ZNF536: variants seen among roughly 807,000 people sequenced by gnomAD.
ZNF536 encodes the protein zinc finger protein 536.
In ZNF536, 13 loss-of-function variants were observed where a neutral mutation model predicts 84.5. The ratio of observed to expected loss-of-function variants is 0.15; its 90% CI spans 0.10 to 0.24. The LOEUF (loss-of-function observed/expected upper bound fraction) is 0.24. ZNF536 is among the 10% of genes least tolerant of loss of function. The probability of loss-of-function intolerance (pLI) is 1.00; values close to 1 mark genes in which losing one functional copy is unlikely to be tolerated. For synonymous variants in ZNF536, 811 were observed against 742.5 expected, an observed-to-expected ratio of 1.09 and a Z score of -1.50; for missense variants, 1,536 against 1,747.5, an observed-to-expected ratio of 0.88 and a Z score of 2.16.
chr19:30,444,096 G>A lies in ZNF536; in HGVS notation c.534G>A (p.Arg178=), dbSNP rs2148168254. ...AQKGNLKIHL[R]THKLGNLGKG... is the part of the protein sequence containing the mutation. ...AGGGGAACCTCAAGATTCACCTGCG[G>A]ACCCACAAGCTGGGCAACCTGGGCA... is the stretch of plus-strand genomic sequence containing the variant. Residue 178 remains arginine, a synonymous_variant, in exon 2 of 5, where the codon CGG becomes CGA. Transcript: ENST00000355537. The A allele has an allele frequency of 1.9e-6, 3 of 1,612,700 alleles. No homozygotes were observed. Among genetic ancestry groups the A allele is most frequent in the Non-Finnish European group, 2.5e-6 (3 of 1,179,560 alleles).
intron 1 of ZNF536, among the ~76,000 whole-genome samples, chr19:30,413,537 A>G (rs749217671): frequency 1.4e-4 from 22 of 152,312 alleles, no homozygotes; most frequent in Middle Eastern, 3.4e-3. Context: ...GAGATGTTGC[A>G]TGGATGTTTG....
intron 2 of ZNF536, among the ~76,000 whole-genome samples, chr19:30,525,987 A>G (rs1382819034): frequency 6.6e-6 from 1 of 152,198 alleles, no homozygotes; most frequent in Non-Finnish European, 1.5e-5. Context: ...GGCTGTTCCC[A>G]GGAGATGGCA....
At chr19:30,349,911 AAGT>A (rs1304310920) in intron 2 of ZNF536, among the ~76,000 whole-genome samples, 3 of 152,168 alleles carry the variant, frequency 2.0e-5, no homozygotes, top group Admixed American at 6.5e-5. Context: ...ATTAAAATCT[AAGT>A]AGAATATGTG....
chr19:30,424,425 C>T (rs558259042), intron 1 of ZNF536, among the ~76,000 whole-genome samples: 2 of 152,138 alleles, frequency 1.3e-5, no homozygotes, highest in Non-Finnish European at 2.9e-5. Flanking sequence ...CCCTGGGGCT[C>T]CCCTGTCATG....
chr19:30,293,760 C>T (rs566507523), intron 2 of ZNF536, among the ~76,000 whole-genome samples: 19 of 152,204 alleles, frequency 1.2e-4, no homozygotes, highest in African/African-American at 4.6e-4. Flanking sequence ...ACAGAAATGA[C>T]TTTGGAGTTT....
At chr19:30,622,519 C>T (rs2048519940) in intron 1 of ZNF536, among the ~76,000 whole-genome samples, 1 of 152,212 alleles carries the variant, frequency 6.6e-6, no homozygotes, top group African/African-American at 2.4e-5. Flanking sequence ...TGGTGCCTTG[C>T]TGGAGTCGCA....
At chr19:30,412,105 A>T (rs985267417) in intron 1 of ZNF536, among the ~76,000 whole-genome samples, 1 of 152,006 alleles carries the variant, frequency 6.6e-6, no homozygotes, top group Admixed American at 6.5e-5. Context: ...ACATTTTACT[A>T]CGATTTATTA....
chr19:30,708,008 C>CA lies in ZNF536; in HGVS notation c.170-2733dup, dbSNP rs60270540. Among the ~76,000 whole-genome samples, 841 of 102,912 alleles carry CA rather than the reference C, an allele frequency of 8.2e-3. 10 individuals carry two copies. The highest frequency in any genetic ancestry group is 0.036 in the East Asian group (135 of 3,766). The allele number at this position is 102,912 out of a possible 152,430, so 67.5% of individuals were successfully genotyped here. A position where few individuals can be genotyped will look rare whatever the true frequency, so the allele number is the denominator to read the frequency against. On this transcript the variant is annotated intron_variant, in intron 1 of 1. Transcript: ENST00000592773. ...CCTGGGTAACAGAGTGAGACTCCAT[C>CA]AAAAAAAAAAAAAAAAGAAAATCCA...
chr19:30,393,151 T>C (rs1367415507), intron 1 of ZNF536, among the ~76,000 whole-genome samples: 1 of 152,144 alleles, frequency 6.6e-6, no homozygotes, highest in Non-Finnish European at 1.5e-5. Context: ...ATCCACTCAT[T>C]CATTCACTCA....
rs904563145 is a variant in ZNF536 at position 30,631,623 on chromosome 19, T to TACTGCTGGCCTGG, written c.170-79122_170-79110dup. 1.4e-4 allele frequency among the ~76,000 whole-genome samples: 22 copies of TACTGCTGGCCTGG among 152,312 alleles called. 1 individual carries two copies. The highest frequency in any genetic ancestry group is 3.4e-3 in the Middle Eastern group (1 of 294). ...GGAAAGGGTGGGTTACTCCCAGTGC[T>TACTGCTGGCCTGG]ACTGCTGGCCTGGACTGCTGGCCTA... is the stretch of plus-strand genomic sequence containing the variant. On this transcript the variant is annotated intron_variant, in intron 1 of 1. Coordinates refer to the ZNF536 transcript ENST00000592773.
At chr19:30,415,165 CCCCCTG>C (rs2050662344) in intron 1 of ZNF536, among the ~76,000 whole-genome samples, 1 of 90,978 alleles carries the variant, frequency 1.1e-5, no homozygotes, top group Non-Finnish European at 2.2e-5. Context: ...CCTCCCCCTG[CCCCCTG>C]TCTCCCTCTC....
chr19:30,250,548 G>A lies in ZNF536; in HGVS notation c.-190+21875G>A, dbSNP rs549647722. Among the ~76,000 whole-genome samples, 4 of 152,304 alleles carry A rather than the reference G, an allele frequency of 2.6e-5. No individual in the cohort carries two copies. The East Asian group carries it at 7.7e-4, about 29-fold the overall frequency. On this transcript the variant is annotated intron_variant, in intron 1 of 5. Coordinates refer to the ZNF536 transcript ENST00000585628. ...GCAAGGGTCTTGGGGAAAGTGGCTG[G>A]TGAGGCTGATTGATTTGACCAGTGA...
chr19:30,344,115 TGTG>T, intron 2 of ZNF536, among the ~76,000 whole-genome samples: 1 of 151,342 alleles, frequency 6.6e-6, no homozygotes, highest in Non-Finnish European at 1.5e-5. Flanking sequence ...GTTTTGGCCC[TGTG>T]GTTTCCCACC....
chr19:30,492,234 T>G (rs2054538982), intron 2 of ZNF536, among the ~76,000 whole-genome samples: 1 of 152,218 alleles, frequency 6.6e-6, no homozygotes, highest in Non-Finnish European at 1.5e-5. Flanking sequence ...AATGTCCCCT[T>G]TCTCTCCATT....
chr19:30,620,832 T>G (rs1215249443), intron 1 of ZNF536, among the ~76,000 whole-genome samples: 3 of 152,142 alleles, frequency 2.0e-5, no homozygotes, highest in Non-Finnish European at 2.9e-5. Context: ...TTAATTATTC[T>G]TTTTGAATCC....
At chr19:30,673,676 T>C (rs942598167) in intron 1 of ZNF536, among the ~76,000 whole-genome samples, 2 of 152,092 alleles carry the variant, frequency 1.3e-5, no homozygotes, top group African/African-American at 4.8e-5. Flanking sequence ...TCTCGTCACC[T>C]CTTCCTGCCT....
At chr19:30,561,805 G>A (rs1347822443), downstream of ZNF536, among the ~76,000 whole-genome samples, 3 of 152,178 alleles carry the variant, frequency 2.0e-5, no homozygotes, top group Non-Finnish European at 4.4e-5. Context: ...GTGAGAGAAA[G>A]CCCTCAGGCA....
intron 1 of ZNF536, among the ~76,000 whole-genome samples, chr19:30,702,861 G>T (rs1215056560): frequency 6.6e-6 from 1 of 152,180 alleles, no homozygotes; most frequent in Non-Finnish European, 1.5e-5. Flanking sequence ...ACCGTGCTGG[G>T]TGGTGAGTAA....
At chr19:30,440,925 AG>A (rs2052013815) in intron 1 of ZNF536, among the ~76,000 whole-genome samples, 1 of 150,840 alleles carries the variant, frequency 6.6e-6, no homozygotes, top group African/African-American at 2.4e-5. Context: ...ATAGATAGAT[AG>A]ATAGATAGAT....
Sources: allele counts gnomAD v4.1 joint callset (sites outside exome capture counted in the v4.1 genomes callset), GRCh38; gene constraint gnomAD v4.1.1; transcripts MANE v1.5; gene names NCBI Gene and HGNC (gene_info 2026-07-23, HGNC 2026-07-21).